The following SPAG16 variants were observed in gnomAD, a reference collection of about 807,000 sequenced individuals.
SPAG16 encodes sperm associated antigen 16.
SPAG16 carries 86 observed loss-of-function variants against 80.4 expected under a neutral mutation model. The observed-to-expected ratio is 1.07, with a 90% CI of 0.90 to 1.28. SPAG16 has a LOEUF of 1.28. Ranked by LOEUF, SPAG16 falls within the 50% of genes most tolerant of loss-of-function variation. SPAG16 has a pLI of 0.00. For synonymous variants in SPAG16, 294 were observed against 265.9 expected, an observed-to-expected ratio of 1.11 and a Z score of -1.03; for missense variants, 870 against 765.3, an observed-to-expected ratio of 1.14 and a Z score of -1.61.
intron 13 of SPAG16, among the ~76,000 whole-genome samples, chr2:214,030,747 T>TAA (rs2048365183): frequency 6.6e-6 from 1 of 152,174 alleles, no homozygotes; most frequent in Non-Finnish European, 1.5e-5. Context: ...CCTCTCCCCC[T>TAA]AACCTCACGT....
intron 13 of SPAG16, among the ~76,000 whole-genome samples, chr2:214,020,263 C>T (rs4673807): frequency 0.4 from 60,522 of 151,852 alleles, 12,422 homozygotes; most frequent in South Asian, 0.69. Flanking sequence ...TTAGTCCCTT[C>T]GAGTTTCTAC....
rs1225512161 is a variant in SPAG16, at chr2:214,132,891, G to A, written c.1594-16249G>A. Among the ~76,000 whole-genome samples the A allele has an allele frequency of 3.9e-5, 6 of 152,108 alleles. No individual in the cohort carries two copies. The South Asian group carries it at 6.2e-4, about 16-fold the overall frequency. ...GCGGATCACCTGAGGTCGCGAGTTCGAGACCAGCCTGACCAACATGGAGAA... is the reference window on the plus strand; with the variant it reads ...GCGGATCACCTGAGGTCGCGAGTTCAAGACCAGCCTGACCAACATGGAGAA... On this transcript the variant is annotated intron_variant, in intron 14 of 15. Coordinates refer to ENST00000331683, the MANE Select transcript of SPAG16 (RefSeq NM_024532.5).
chr2:213,739,765 C>A (rs1001909048), intron 10 of SPAG16, among the ~76,000 whole-genome samples: 2 of 152,076 alleles, frequency 1.3e-5, no homozygotes, highest in Non-Finnish European at 2.9e-5. Context: ...CCACGGCCAG[C>A]TAATTTTTGT....
intron 15 of SPAG16, among the ~76,000 whole-genome samples, chr2:214,261,107 C>CAAAAAAAAAAAAAAAAAAAAAAAAA (rs558534808): frequency 5.5e-5 from 3 of 54,470 alleles, no homozygotes; most frequent in Non-Finnish European, 9.5e-5. Context: ...GACTCAGTCT[C>CAAAAAAAAAAAAAAAAAAAAAAAAA]AAAAAAAAAA....
chr2:214,355,342 C>A (rs1484324051), intron 15 of SPAG16, among the ~76,000 whole-genome samples: 1 of 133,086 alleles, frequency 7.5e-6, no homozygotes, highest in African/African-American at 2.5e-5. Context: ...AAAAAACAAC[C>A]CCATCAAAAA....
chr2:213,381,837 A>G (rs1190746410), intron 9 of SPAG16, among the ~76,000 whole-genome samples: 1 of 152,214 alleles, frequency 6.6e-6, no homozygotes, highest in South Asian at 2.1e-4. Context: ...GCCACTGCCA[A>G]TAAATAGGTA....
At chr2:213,297,433 A>G (rs2062551264) in intron 3 of SPAG16, 76 bp downstream of exon 3, 1 of 799,006 alleles carries the variant, frequency 1.3e-6, no homozygotes, top group African/African-American at 1.7e-5. Context: ...AGTCTTTTAA[A>G]TGTAAATACT....
intron 14 of SPAG16, among the ~76,000 whole-genome samples, chr2:214,109,957 G>C (rs2053580034): frequency 6.6e-6 from 1 of 151,924 alleles, no homozygotes; most frequent in Non-Finnish European, 1.5e-5. Context: ...ATTTTATTTT[G>C]GCAAGCAATA....
intron 10 of SPAG16, among the ~76,000 whole-genome samples, chr2:213,830,077 T>C (rs1335481527): frequency 6.6e-6 from 1 of 152,116 alleles, no homozygotes; most frequent in East Asian, 1.9e-4. Flanking sequence ...ACTAGAACTT[T>C]CCTAGGAGTT....
intron 9 of SPAG16, among the ~76,000 whole-genome samples, chr2:213,392,600 A>G (rs1457849695): frequency 1.3e-5 from 2 of 152,194 alleles, no homozygotes; most frequent in East Asian, 1.9e-4. Flanking sequence ...TAATCCCAGC[A>G]CTTTGGGAGG....
At chr2:214,333,523 C>T (rs373523620) in intron 15 of SPAG16, among the ~76,000 whole-genome samples, 17 of 152,344 alleles carry the variant, frequency 1.1e-4, no homozygotes, top group African/African-American at 3.6e-4. Context: ...ATCTTACTGT[C>T]AGTGCTGGCC....
Position 214,013,980 on chromosome 2 carries a change from A to G in SPAG16, c.1430A>G (p.His477Arg), listed in dbSNP as rs2047453933. The change falls in exon 13 of 16, where the codon CAT (histidine) becomes CGT (arginine). Residue 477 changes from histidine (H) to arginine (R), a missense_variant. Transcript: ENST00000331683. ...AGATGCAGATGTACTTTGTATGGAC[A>G]TACAGATTCTGTGAACAGCATTGAG... ...SERCRCTLYG[H>R]TDSVNSIEFF... 3 of 1,613,530 alleles carry G rather than the reference A, an allele frequency of 1.9e-6. No individual in the cohort carries two copies. The highest frequency in any genetic ancestry group is 1.3e-5 in the African/African-American group (1 of 75,030).
intron 11 of SPAG16, among the ~76,000 whole-genome samples, chr2:213,897,684 C>T (rs542081607): frequency 6.6e-6 from 1 of 152,246 alleles, no homozygotes; most frequent in South Asian, 2.1e-4. Context: ...GCTCATCACA[C>T]GCGGTGCTAA....
chr2:213,803,080 T>C (rs937432401), intron 10 of SPAG16, among the ~76,000 whole-genome samples: 9 of 152,170 alleles, frequency 5.9e-5, no homozygotes, highest in African/African-American at 1.9e-4. Context: ...TTATAATATC[T>C]GTGTGAGTAG....
At chr2:213,534,303 A>G (rs762200643) in intron 10 of SPAG16, among the ~76,000 whole-genome samples, 1 of 152,074 alleles carries the variant, frequency 6.6e-6, no homozygotes, top group Non-Finnish European at 1.5e-5. Context: ...CCACTTTAGT[A>G]CAGCCTCTAT....
chr2:214,219,961 A>C (rs2058525117), intron 15 of SPAG16, among the ~76,000 whole-genome samples: 1 of 58,650 alleles, frequency 1.7e-5, no homozygotes, highest in African/African-American at 3.2e-5. Flanking sequence ...ACCTGTTGGC[A>C]GGTTCATCCT....
intron 12 of SPAG16, among the ~76,000 whole-genome samples, chr2:213,991,838 G>A (rs1296263494): frequency 6.7e-6 from 1 of 150,092 alleles, no homozygotes; most frequent in African/African-American, 2.5e-5. Context: ...CACTCTCAAG[G>A]GGACATTTTG....
chr2:213,475,623 T>G (rs1370128695), intron 9 of SPAG16, among the ~76,000 whole-genome samples: 1 of 152,166 alleles, frequency 6.6e-6, no homozygotes, highest in Non-Finnish European at 1.5e-5. Context: ...CCTTCCCCCA[T>G]GAAGCAGAAA....
At position 213,489,487 on chromosome 2, in the gene SPAG16, G is replaced by T. The variant is rs561727883; in HGVS notation, c.943-476G>T. The stretch of plus-strand genomic sequence containing the variant: ...TTTTTAAATTAGTACTGTGTCCTTA[G>T]ATTTAAAAAGAAAATCATAATCAAT... On this transcript the variant is annotated intron_variant, in intron 9 of 15. Transcript: ENST00000331683. Among the ~76,000 whole-genome samples the T allele has an allele frequency of 5.7e-4, 86 of 152,108 alleles. 1 individual carries two copies. The highest frequency in any genetic ancestry group is 1.9e-3 in the African/African-American group (79 of 41,464).
Sources: allele counts gnomAD v4.1 joint callset (sites outside exome capture counted in the v4.1 genomes callset), GRCh38; gene constraint gnomAD v4.1.1; transcripts MANE v1.5; gene names NCBI Gene and HGNC (gene_info 2026-07-23, HGNC 2026-07-21).